The following FOXP2 variants were observed in gnomAD, a reference collection of about 807,000 sequenced individuals.
FOXP2 encodes forkhead box protein P2.
Under a neutral mutation model 115.8 loss-of-function variants are expected in FOXP2, and 12 were observed. The observed-to-expected ratio is 0.10, with a 90% CI of 0.07 to 0.17. The LOEUF (loss-of-function observed/expected upper bound fraction) is 0.17, where lower values mean the gene tolerates loss of function less well. FOXP2 is among the 10% of genes least tolerant of loss of function. FOXP2 has a pLI of 1.00. For missense variants in FOXP2, 629 were observed against 843.5 expected, an observed-to-expected ratio of 0.75 and a Z score of 3.15; for synonymous variants, 328 against 297.7, an observed-to-expected ratio of 1.10 and a Z score of -1.05.
In FOXP2 at chr7:114,114,327, T is replaced by C. The variant is rs112420050; in HGVS notation, c.-247+26489T>C. 1.7e-3 allele frequency among the ~76,000 whole-genome samples: 251 copies of C among 151,764 alleles called. 1 individual carries two copies. The highest frequency in any genetic ancestry group is 5.6e-3 in the African/African-American group (232 of 41,440). ...ATTCTTTAGGAAAGGAAATATTCTT[T>C]GGACTAAATTCTACAAAAGATTTCT... On this transcript the variant is annotated intron_variant, in intron 1 of 19. Transcript: ENST00000635638.
chr7:114,440,466 A>G (rs1038177084), intron 2 of FOXP2, among the ~76,000 whole-genome samples: 7 of 152,134 alleles, frequency 4.6e-5, no homozygotes, highest in African/African-American at 1.7e-4. Context: ...TATGGAAATG[A>G]CTTGTTCCTG....
chr7:114,635,027 A>T (rs949078104), intron 6 of FOXP2, among the ~76,000 whole-genome samples: 1 of 152,192 alleles, frequency 6.6e-6, no homozygotes, highest in African/African-American at 2.4e-5. Flanking sequence ...CCAAACAGAG[A>T]ATGCTAGATT....
At chr7:114,612,629 C>T (rs557585356) in intron 3 of FOXP2, among the ~76,000 whole-genome samples, 261 of 152,216 alleles carry the variant, frequency 1.7e-3, no homozygotes, top group South Asian at 3.7e-3. Context: ...ATTAGTGGCA[C>T]TAAGTGACAG....
intron 2 of FOXP2, among the ~76,000 whole-genome samples, chr7:114,494,169 G>A (rs1313040137): frequency 1.3e-5 from 2 of 151,916 alleles, no homozygotes; most frequent in East Asian, 3.9e-4. Flanking sequence ...AAGACATTTT[G>A]CCCAAAGTGA....
At chr7:114,303,111 T>C (rs576129309) in intron 2 of FOXP2, among the ~76,000 whole-genome samples, 10 of 152,296 alleles carry the variant, frequency 6.6e-5, no homozygotes, top group African/African-American at 1.9e-4. Context: ...TGCATCAAGT[T>C]AGTCATAATT....
chr7:114,636,708 G>A (rs562889144), intron 6 of FOXP2, among the ~76,000 whole-genome samples: 81 of 150,664 alleles, frequency 5.4e-4, no homozygotes, highest in African/African-American at 1.8e-3. Flanking sequence ...TTAGTGATAA[G>A]TAAAAATCAT....
intron 2 of FOXP2, among the ~76,000 whole-genome samples, chr7:114,494,289 C>T (rs999700207): frequency 2.0e-5 from 3 of 152,228 alleles, no homozygotes; most frequent in African/African-American, 4.8e-5. Flanking sequence ...TTCAGTACCA[C>T]CACAATTTTT....
chr7:114,655,893 G>A (rs1446080093), intron 10 of FOXP2, among the ~76,000 whole-genome samples: 1 of 152,122 alleles, frequency 6.6e-6, no homozygotes, highest in African/African-American at 2.4e-5. Flanking sequence ...ATGGATGGAT[G>A]AAAATCAAAG....
chr7:114,378,400 G>T (rs1383977505), intron 2 of FOXP2, among the ~76,000 whole-genome samples: 1 of 152,002 alleles, frequency 6.6e-6, no homozygotes, highest in Non-Finnish European at 1.5e-5. Flanking sequence ...GAAACAAGGA[G>T]CTACCAGGTG....
At chr7:114,101,264 A>G (rs1279860377) in intron 1 of FOXP2, among the ~76,000 whole-genome samples, 1 of 152,168 alleles carries the variant, frequency 6.6e-6, no homozygotes, top group African/African-American at 2.4e-5. Context: ...TTTTTTAGAC[A>G]AAAGATAGTC....
intron 1 of FOXP2, among the ~76,000 whole-genome samples, chr7:114,210,734 C>G (rs973312848): frequency 2.0e-5 from 3 of 152,098 alleles, no homozygotes; most frequent in Admixed American, 1.3e-4. Flanking sequence ...TTCTCCAAAG[C>G]CAGCAGGCTA....
At chr7:114,158,339 G>C (rs1320220705), upstream of FOXP2, among the ~76,000 whole-genome samples, 1 of 151,962 alleles carries the variant, frequency 6.6e-6, no homozygotes, top group Admixed American at 6.6e-5. Flanking sequence ...TACAGAGCTT[G>C]CAAGTATTAT....
chr7:114,577,767 A>G (rs533521515), intron 3 of FOXP2, among the ~76,000 whole-genome samples: 67 of 152,098 alleles, frequency 4.4e-4, no homozygotes, highest in Non-Finnish European at 8.7e-4. Context: ...TTAATATTTT[A>G]TGAGTAATGC....
intron 1 of FOXP2, among the ~76,000 whole-genome samples, chr7:114,176,219 G>A (rs969912397): frequency 4.8e-5 from 7 of 145,102 alleles, no homozygotes; most frequent in African/African-American, 1.9e-4. Flanking sequence ...GTCTTGTCTT[G>A]TCTTGTCTTG....
chr7:114,208,425 A>G (rs1794255117), intron 1 of FOXP2, among the ~76,000 whole-genome samples: 2 of 152,130 alleles, frequency 1.3e-5, no homozygotes, highest in Admixed American at 6.5e-5. Context: ...TTACAGGCTT[A>G]TAGGGGGAAG....
In FOXP2 at chr7:114,171,190, G is replaced by A. The variant is rs192453768; in HGVS notation, c.-102+8102G>A. Among the ~76,000 whole-genome samples, 371 of 152,294 alleles carry A rather than the reference G, an allele frequency of 2.4e-3. 4 individuals carry two copies. Among genetic ancestry groups the A allele is most frequent in the Non-Finnish European group, 3.7e-3 (250 of 68,018 alleles). On this transcript the variant is annotated intron_variant, in intron 1 of 17. Transcript: ENST00000634411. ...ACAAAGCCTGGATGACAGCACATAT[G>A]TTTCAGCATGGTTCACTGAATATTT...
intron 1 of FOXP2, among the ~76,000 whole-genome samples, chr7:114,246,387 T>A (rs1460593075): frequency 3.3e-5 from 5 of 152,088 alleles, no homozygotes; most frequent in African/African-American, 9.7e-5. Context: ...CCCCCAAAAT[T>A]TAAAGCAGAT....
intron 1 of FOXP2, among the ~76,000 whole-genome samples, chr7:114,150,245 G>A (rs911534072): frequency 6.6e-6 from 1 of 151,944 alleles, no homozygotes; most frequent in African/African-American, 2.4e-5. Flanking sequence ...AAAGCAGGGT[G>A]GGGCCTGGGA....
intron 2 of FOXP2, among the ~76,000 whole-genome samples, chr7:114,440,632 T>C (rs1357629594): frequency 6.6e-6 from 1 of 152,216 alleles, no homozygotes; most frequent in Non-Finnish European, 1.5e-5. Flanking sequence ...TAAATTGTTA[T>C]ATTTATTTAA....
Sources: gnomAD v4.1 joint callset for allele counts (sites outside exome capture counted in the v4.1 genomes callset) on GRCh38, gnomAD v4.1.1 for gene constraint, MANE v1.5 for transcripts, NCBI Gene and HGNC (gene_info 2026-07-23, HGNC 2026-07-21) for gene names.